NUP98: variants seen among roughly 807,000 people sequenced by gnomAD.
The protein encoded by NUP98 is nucleoporin 98 and 96 precursor, also known as nuclear pore complex protein Nup98-Nup96.
NUP98 carries 26 observed loss-of-function variants against 191.9 expected under a neutral mutation model. The ratio of observed to expected loss-of-function variants is 0.14; its 90% CI spans 0.10 to 0.19. NUP98 has a LOEUF of 0.19. Ranked by LOEUF, NUP98 falls within the 10% of genes least tolerant of loss-of-function variation. NUP98 has a pLI of 1.00. For missense variants in NUP98, 1,941 were observed against 2,178.8 expected, an observed-to-expected ratio of 0.89 and a Z score of 2.17; for synonymous variants, 808 against 778.4, an observed-to-expected ratio of 1.04 and a Z score of -0.63.
chr11:3,706,326 T>C (rs971505561), intron 21 of NUP98, 119 bp downstream of exon 21: 5 of 849,424 alleles, frequency 5.9e-6, no homozygotes, highest in Non-Finnish European at 9.4e-6. Flanking sequence ...GTATTTTTTT[T>C]CCCCATTACA....
chr11:3,753,291 A>C (rs781418641), intron 11 of NUP98, 25 bp downstream of exon 11: 29 of 1,561,200 alleles, frequency 1.9e-5, no homozygotes, highest in Non-Finnish European at 2.4e-5. Context: ...GTCACTTCCT[A>C]GATCTCATGG....
chr11:3,687,391 A>C (rs1203271557), intron 28 of NUP98, among the ~76,000 whole-genome samples: 1 of 152,204 alleles, frequency 6.6e-6, no homozygotes, highest in African/African-American at 2.4e-5. Context: ...AATTTTGTTG[A>C]AGTCCAATTT....
At position 3,702,500 on chromosome 11, in the gene NUP98, C is replaced by T. The variant is rs148101240; in HGVS notation, c.3475G>A (p.Glu1159Lys). Reference protein sequence around the residue: ...LENHQIADSMEFGFLPNPVAV... With the variant: ...LENHQIADSMKFGFLPNPVAV... ...ACTGGATTGGGCAGGAATCCAAACT[C>T]CATGGAATCGGCAATCTGATGATTT... The change falls in exon 23 of 33, where the codon GAG becomes AAG. Residue 1159 changes from glutamate (E) to lysine (K), a missense_variant. Around this residue, in one of 6 missense-constraint regions of NUP98, gnomAD observed 1,030 missense variants for 1,115.8 expected, o/e 0.92. Coordinates refer to ENST00000324932, the MANE Select transcript of NUP98 (RefSeq NM_016320.5). 726 of 1,614,058 alleles carry T rather than the reference C, an allele frequency of 4.5e-4. No homozygotes were observed. Among genetic ancestry groups the T allele is most frequent in the Middle Eastern group, 1.2e-3 (7 of 6,062 alleles).
intron 2 of NUP98, among the ~76,000 whole-genome samples, chr11:3,779,850 G>A (rs764488565): frequency 1.4e-4 from 21 of 151,902 alleles, no homozygotes; most frequent in Middle Eastern, 6.9e-3. Flanking sequence ...AGTGCTGGCC[G>A]GGCACGGTGG....
chr11:3,675,804 G>A lies in NUP98; in HGVS notation c.*355C>T. 1 of 391,478 alleles carries A rather than the reference G, an allele frequency of 2.6e-6. No individual in the cohort carries two copies. The allele number at this position is 391,478 out of a possible 1,614,324, so 24.3% of individuals were successfully genotyped here. ...AAAGGGCCAGGGTAGGAGTAGGGAAGCTGGTTGGCATGGAGGGTCACAAGA... is the reference window on the plus strand; with the variant it reads ...AAAGGGCCAGGGTAGGAGTAGGGAAACTGGTTGGCATGGAGGGTCACAAGA... On this transcript the variant is annotated 3_prime_UTR_variant, in exon 33 of 33. Coordinates refer to ENST00000324932, the MANE Select transcript of NUP98 (RefSeq NM_016320.5).
intron 1 of NUP98, among the ~76,000 whole-genome samples, chr11:3,791,670 C>A (rs958509513): frequency 6.6e-6 from 1 of 151,434 alleles, no homozygotes; most frequent in Non-Finnish European, 1.5e-5. Flanking sequence ...TGATGAAACC[C>A]TGTCTCTGCT....
chr11:3,784,604 A>G (rs528938863), intron 1 of NUP98, among the ~76,000 whole-genome samples: 1 of 150,282 alleles, frequency 6.7e-6, no homozygotes, highest in East Asian at 1.9e-4. Flanking sequence ...AACAAAAAAA[A>G]ACAAAAAACA....
intron 1 of NUP98, among the ~76,000 whole-genome samples, chr11:3,794,486 AATTTTTCAT>A (rs1325251214): frequency 6.6e-6 from 1 of 151,848 alleles, no homozygotes; most frequent in Non-Finnish European, 1.5e-5. Context: ...ACGCCCAGCT[AATTTTTCAT>A]ATTTTTTTTT....
chr11:3,789,981 C>T (rs1428054600), intron 1 of NUP98, among the ~76,000 whole-genome samples: 3 of 152,096 alleles, frequency 2.0e-5, no homozygotes, highest in Non-Finnish European at 4.4e-5. Context: ...CATGGGGTTT[C>T]ACCAAGTTGG....
At chr11:3,720,122 C>A (rs908439237) in intron 17 of NUP98, among the ~76,000 whole-genome samples, 2 of 152,108 alleles carry the variant, frequency 1.3e-5, no homozygotes, top group East Asian at 1.9e-4. Context: ...AATCTCTTCC[C>A]ATTTATCTAT....
intron 1 of NUP98, among the ~76,000 whole-genome samples, chr11:3,788,387 G>C (rs1304807617): frequency 6.6e-6 from 1 of 152,082 alleles, no homozygotes; most frequent in Non-Finnish European, 1.5e-5. Flanking sequence ...TGGATCACCT[G>C]AGCTCAGGAG....
intron 1 of NUP98, among the ~76,000 whole-genome samples, chr11:3,796,838 G>C (rs1323248922): frequency 6.6e-6 from 1 of 152,170 alleles, no homozygotes; most frequent in African/African-American, 2.4e-5. Flanking sequence ...AACTCAATCT[G>C]TCTCCTCATC....
chr11:3,676,191 A>G lies in NUP98; in HGVS notation c.5371T>C (p.Tyr1791His). The stretch of plus-strand genomic sequence containing the variant: ...CTCCCAACAGCCAGTTCTCGCAGAT[A>G]GGACTGGGTAAGGCTGCGCAGTTCG... ...MDELRSLTQSYLRELAVGSL is the reference protein window; with the variant it reads ...MDELRSLTQSHLRELAVGSL The change falls in exon 33 of 33, where the codon TAT becomes CAT. Residue 1791 changes from tyrosine to histidine, a missense_variant. Around this residue, in one of 6 missense-constraint regions of NUP98, gnomAD observed 1,030 missense variants for 1,115.8 expected, o/e 0.92. Transcript: ENST00000324932. 6.2e-7 allele frequency: 1 copy of G among 1,614,156 alleles called. No homozygotes were observed. Among genetic ancestry groups the G allele is most frequent in the South Asian group, 1.1e-5 (1 of 91,086 alleles).
intron 23 of NUP98, among the ~76,000 whole-genome samples, 181 bp downstream of exon 23, chr11:3,702,282 C>CTGAG (rs1564821047): frequency 3.3e-5 from 2 of 61,204 alleles, no homozygotes; most frequent in Non-Finnish European, 6.5e-5. Context: ...AAAACTGAGA[C>CTGAG]ACACACACAC....
intron 10 of NUP98, 119 bp from the exon 11 acceptor site, chr11:3,753,527 G>C (rs1387840814): frequency 1.4e-6 from 1 of 695,900 alleles, no homozygotes; most frequent in Non-Finnish European, 2.4e-6. Flanking sequence ...TTAATATTTA[G>C]GACTCCTAAC....
intron 20 of NUP98, among the ~76,000 whole-genome samples, chr11:3,709,546 A>G (rs960324277): frequency 6.6e-6 from 1 of 151,874 alleles, no homozygotes; most frequent in African/African-American, 2.4e-5. Context: ...CTAAAACAAT[A>G]AATAAATAAA....
intron 1 of NUP98, among the ~76,000 whole-genome samples, chr11:3,789,400 T>C (rs1212610215): frequency 2.0e-5 from 3 of 152,134 alleles, no homozygotes; most frequent in Non-Finnish European, 4.4e-5. Flanking sequence ...ACACAATATA[T>C]TGAGATTACT....
At position 3,733,946 on chromosome 11, in the gene NUP98, C is replaced by T. The variant is rs112342288; in HGVS notation, c.1542+1245G>A. ...GCATAAATAATTGTCTAATCATTTACACATCACTTTAAAAGGTACTTTCAT... is the reference window on the plus strand; with the variant it reads ...GCATAAATAATTGTCTAATCATTTATACATCACTTTAAAAGGTACTTTCAT... On this transcript the variant is annotated intron_variant, in intron 13 of 32. Transcript: ENST00000324932. Among the ~76,000 whole-genome samples, 679 of 152,268 alleles carry T rather than the reference C, an allele frequency of 4.5e-3. 6 individuals carry two copies. The highest frequency in any genetic ancestry group is 0.015 in the African/African-American group (642 of 41,548).
intron 4 of NUP98, among the ~76,000 whole-genome samples, chr11:3,777,803 A>G (rs575403810): frequency 2.0e-5 from 3 of 152,224 alleles, no homozygotes; most frequent in Admixed American, 6.6e-5. Context: ...ATATAGTTTA[A>G]AGCAAACAGG....
Sources: allele counts gnomAD v4.1 joint callset (sites outside exome capture counted in the v4.1 genomes callset), GRCh38; gene constraint gnomAD v4.1.1; regional missense constraint gnomAD v4.1.1; transcripts MANE v1.5; gene names NCBI Gene and HGNC (gene_info 2026-07-23, HGNC 2026-07-21).